The following FGGY variants were observed in gnomAD, a reference collection of about 807,000 sequenced individuals.
The protein encoded by FGGY is FGGY carbohydrate kinase domain containing.
A neutral mutation model predicts 71.3 loss-of-function variants in FGGY; 72 were observed. That is an observed-to-expected ratio of 1.01 (90% confidence interval 0.84 to 1.23). FGGY has a LOEUF of 1.23. Among genes scored for constraint, FGGY ranks in the 50% most tolerant of loss-of-function variants. The pLI, the probability that FGGY is intolerant of heterozygous loss-of-function variation, is 0.00. For missense variants in FGGY, 668 were observed against 682.3 expected, an observed-to-expected ratio of 0.98 and a Z score of 0.23; for synonymous variants, 251 against 250.3, an observed-to-expected ratio of 1.00 and a Z score of -0.02.
intron 6 of FGGY, among the ~76,000 whole-genome samples, chr1:59,508,071 C>T (rs1325383780): frequency 6.6e-6 from 1 of 152,172 alleles, no homozygotes; most frequent in Non-Finnish European, 1.5e-5. Context: ...TTCCCCGGAG[C>T]ATGCCAGCAC....
chr1:59,512,508 C>A, intron 7 of FGGY, 69 bp downstream of exon 7: 1 of 1,477,214 alleles, frequency 6.8e-7, no homozygotes, highest in Non-Finnish European at 9.1e-7. Flanking sequence ...ACCGAAGACA[C>A]TCCTTTTCTG....
At chr1:59,596,950 G>T (rs2096531041) in intron 8 of FGGY, among the ~76,000 whole-genome samples, 1 of 152,184 alleles carries the variant, frequency 6.6e-6, no homozygotes, top group Admixed American at 6.5e-5. Flanking sequence ...TTATAGAGAA[G>T]ATGGAAGGGT....
intron 3 of FGGY, among the ~76,000 whole-genome samples, chr1:59,341,623 T>C (rs1225611947): frequency 6.6e-6 from 1 of 152,228 alleles, no homozygotes; most frequent in African/African-American, 2.4e-5. Context: ...GTTCTTTTTC[T>C]TGGTGGCTGT....
intron 14 of FGGY, among the ~76,000 whole-genome samples, chr1:59,711,403 A>G (rs1300527958): frequency 6.6e-6 from 1 of 152,218 alleles, no homozygotes; most frequent in Non-Finnish European, 1.5e-5. Context: ...ACAAACCTGG[A>G]TGTTCTTCAC....
At chr1:59,699,552 A>G (rs12130316) in intron 14 of FGGY, among the ~76,000 whole-genome samples, 27,774 of 152,074 alleles carry the variant, frequency 0.18, 2,894 homozygotes, top group Admixed American at 0.3. Flanking sequence ...AAGAAGGCAA[A>G]TGGTACCCTG....
At chr1:59,580,241 T>A (rs2096166586) in intron 8 of FGGY, among the ~76,000 whole-genome samples, 1 of 152,160 alleles carries the variant, frequency 6.6e-6, no homozygotes, top group African/African-American at 2.4e-5. Context: ...CAGAACTTTG[T>A]TTTTTCACCA....
intron 8 of FGGY, among the ~76,000 whole-genome samples, chr1:59,588,104 C>G (rs375879098): frequency 6.6e-6 from 1 of 152,122 alleles, no homozygotes; most frequent in African/African-American, 2.4e-5. Flanking sequence ...CTTAAAGGAG[C>G]TGATGGAGCT....
At chr1:59,422,168 T>C (rs561813489) in intron 5 of FGGY, among the ~76,000 whole-genome samples, 1 of 152,352 alleles carries the variant, frequency 6.6e-6, no homozygotes, top group South Asian at 2.1e-4. Context: ...GATAACCCTC[T>C]GGGAATTCTG....
In FGGY at chr1:59,546,516, TG is replaced by T. The variant is rs1558302842; in HGVS notation, c.800-7607del. Reference sequence around the variant, plus strand: ...AGGATGATGATGATGATGATGATGATGATGATGATGATGATGATGATTATTA... The same window carrying T: ...AGGATGATGATGATGATGATGATGATATGATGATGATGATGATGATTATTA... On this transcript the variant is annotated intron_variant, in intron 7 of 15. Coordinates refer to ENST00000303721, the MANE Select transcript of FGGY (RefSeq NM_018291.5). 2.4e-4 allele frequency among the ~76,000 whole-genome samples: 36 copies of T among 147,590 alleles called. 1 individual carries two copies. The South Asian group carries it at 3.5e-3, about 15-fold the overall frequency.
At chr1:59,753,508 A>G (rs1385933272) in intron 14 of FGGY, among the ~76,000 whole-genome samples, 4 of 126,022 alleles carry the variant, frequency 3.2e-5, no homozygotes, top group Non-Finnish European at 6.7e-5. Flanking sequence ...ATATATATAT[A>G]TATATGGCAT....
In FGGY at chr1:59,368,985, C is replaced by T. The variant is rs530744755; in HGVS notation, c.466-9764C>T. ...GGTCTACAGCTCCCAGTGTGAGCAA[C>T]GCAGAAGACGGGTGATTTCTGCATT... On this transcript the variant is annotated intron_variant, in intron 4 of 15. Transcript: ENST00000303721. Among the ~76,000 whole-genome samples the T allele has an allele frequency of 4.8e-3, 723 of 152,192 alleles. 4 individuals carry two copies. Among genetic ancestry groups the T allele is most frequent in the African/African-American group, 0.017 (686 of 41,540 alleles).
intron 14 of FGGY, among the ~76,000 whole-genome samples, chr1:59,743,685 T>C (rs766144436): frequency 3.2e-4 from 48 of 152,184 alleles, no homozygotes; most frequent in Non-Finnish European, 6.2e-4. Flanking sequence ...CTGTGTCTTG[T>C]AAAAGCCGGA....
At chr1:59,586,331 T>G (rs988841712) in intron 8 of FGGY, among the ~76,000 whole-genome samples, 118 of 152,158 alleles carry the variant, frequency 7.8e-4, no homozygotes, top group African/African-American at 2.8e-3. Flanking sequence ...TATGCAGCCA[T>G]AAAAAATGAG....
chr1:59,425,803 T>C (rs2066264435), intron 5 of FGGY, among the ~76,000 whole-genome samples: 1 of 152,226 alleles, frequency 6.6e-6, no homozygotes, highest in Middle Eastern at 3.2e-3. Context: ...TTGACAGACA[T>C]TCTTTTCCTC....
In FGGY at chr1:59,638,253, A is replaced by G; in HGVS notation, c.1099A>G (p.Asn367Asp). Residue 367 changes from asparagine to aspartate, a missense_variant, in exon 11 of 16, where the codon AAC becomes GAC. Asn to Asp is a conservative substitution (Grantham distance 23). Transcript: ENST00000303721. ...ATGCCAGAGTATATATGCATATTTG[A>G]ACAGTCACCTGGATCTGATTAAGAA... The part of the protein sequence containing the change: ...ARCQSIYAYL[N>D]SHLDLIKKAQ... The G allele has an allele frequency of 6.2e-7, 1 of 1,614,172 alleles. No individual in the cohort carries two copies. The highest frequency in any genetic ancestry group is 8.5e-7 in the Non-Finnish European group (1 of 1,180,024).
chr1:59,627,454 T>TTATATA (rs60500862), intron 10 of FGGY, among the ~76,000 whole-genome samples: 6,371 of 96,612 alleles, frequency 0.066, 206 homozygotes, highest in Non-Finnish European at 0.09. Flanking sequence ...ACTTATGATT[T>TTATATA]TATATATATA....
chr1:59,757,851 T>C, intron 14 of FGGY, 80 bp from the exon 15 acceptor site: 2 of 933,486 alleles, frequency 2.1e-6, no homozygotes, highest in Non-Finnish European at 3.4e-6. Flanking sequence ...AAATTCAAAT[T>C]AGAATGTTTT....
chr1:59,579,173 C>T lies in FGGY; in HGVS notation c.903+24946C>T, dbSNP rs147856806. On this transcript the variant is annotated intron_variant, in intron 8 of 15. Transcript: ENST00000303721. ...GCAGCATTGGGCACAGCTGCGCCCT[C>T]CCTTCTCAAAACCCCTCACTTGCAT... Among the ~76,000 whole-genome samples, 162 of 152,260 alleles carry T rather than the reference C, an allele frequency of 1.1e-3. 1 individual carries two copies. The highest frequency in any genetic ancestry group is 3.8e-3 in the African/African-American group (158 of 41,528).
intron 1 of FGGY, among the ~76,000 whole-genome samples, chr1:59,300,254 G>T (rs1334857090): frequency 6.6e-6 from 1 of 152,132 alleles, no homozygotes; most frequent in Non-Finnish European, 1.5e-5. Context: ...CCCAAAGATT[G>T]CTTGTGCCCT....
Sources: allele counts gnomAD v4.1 joint callset (sites outside exome capture counted in the v4.1 genomes callset), GRCh38; gene constraint gnomAD v4.1.1; transcripts MANE v1.5; gene names NCBI Gene and HGNC (gene_info 2026-07-23, HGNC 2026-07-21).